Variants in PABPC1L observed in about 807,000 individuals in gnomAD.
PABPC1L encodes polyadenylate-binding protein 1-like.
A neutral mutation model predicts 66.6 loss-of-function variants in PABPC1L; 31 were observed. The observed-to-expected ratio is 0.47, with a 90% CI of 0.35 to 0.63. The LOEUF (loss-of-function observed/expected upper bound fraction) is 0.63. PABPC1L is among the 20% of genes least tolerant of loss of function. The probability of loss-of-function intolerance (pLI) is 0.00; values close to 1 mark genes in which losing one functional copy is unlikely to be tolerated. For synonymous variants in PABPC1L, 348 were observed against 335.1 expected (o/e 1.04, Z -0.42); for missense variants, 722 against 848.8 (o/e 0.85, Z 1.86).
rs2066903570 is a variant in PABPC1L, at chr20:44,936,700, G to T, written c.1630G>T (p.Ala544Ser). Residue 544 changes from alanine to serine, a missense_variant, in exon 12 of 15, where the codon GCG (alanine) becomes TCG (serine). This residue lies in a region of PABPC1L where 301 missense variants were observed against 337.2 expected (regional missense o/e 0.89). Transcript: ENST00000217073. ...CCTGACCGCGTCCATGCTGGCTGCGGCGCCCCTGCATGAGCAAAAGCAGAT... is the reference window on the plus strand; with the variant it reads ...CCTGACCGCGTCCATGCTGGCTGCGTCGCCCCTGCATGAGCAAAAGCAGAT... ...EPLTASMLAA[A>S]PLHEQKQMIG... is the part of the protein sequence containing the mutation. 1.2e-6 allele frequency: 2 copies of T among 1,608,544 alleles called. No individual in the cohort carries two copies. Among genetic ancestry groups the T allele is most frequent in the Non-Finnish European group, 1.7e-6 (2 of 1,178,318 alleles).
chr20:44,919,386 C>A, intron 5 of PABPC1L, 109 bp downstream of exon 5: 2 of 1,241,214 alleles, frequency 1.6e-6, no homozygotes, highest in Admixed American at 2.0e-5. Context: ...CGGCCTAAGC[C>A]AAGAGGGTGG....
chr20:44,912,905 C>T (rs769404663), intron 2 of PABPC1L, 52 bp downstream of exon 2: 3 of 1,512,940 alleles, frequency 2.0e-6, no homozygotes, highest in Non-Finnish European at 2.7e-6. Flanking sequence ...AACTACCTGC[C>T]TGGTAGAGGG....
At chr20:44,926,119 C>T (rs1296208800) in intron 7 of PABPC1L, among the ~76,000 whole-genome samples, 2 of 152,202 alleles carry the variant, frequency 1.3e-5, no homozygotes, top group Non-Finnish European at 2.9e-5. Flanking sequence ...TTCTTGAGGA[C>T]TCCCCGAACA....
Position 44,921,751 on chromosome 20 carries a change from T to G in PABPC1L, c.876+20T>G, listed in dbSNP as rs747000277. On this transcript the variant is annotated intron_variant, in intron 6 of 14. Coordinates refer to ENST00000217073, the MANE Select transcript of PABPC1L (RefSeq NM_001372179.1). ...TACCAGGTGAGGTCAGGCTTCCTGG[T>G]GGCAGCCACTTCTGTGTGAGAGCAG... The G allele has an allele frequency of 6.2e-7, 1 of 1,612,610 alleles. No homozygotes were observed. Among genetic ancestry groups the G allele is most frequent in the Non-Finnish European group, 8.5e-7 (1 of 1,179,600 alleles).
At chr20:44,936,604 G>A (rs745591199) in intron 11 of PABPC1L, 33 bp from the exon 12 acceptor site, 3 of 1,519,844 alleles carry the variant, frequency 2.0e-6, no homozygotes, top group African/African-American at 1.4e-5. Context: ...CCTGTCCATG[G>A]TGATTAAGGG....
At chr20:44,933,834 T>G (rs1291288327) in intron 10 of PABPC1L, among the ~76,000 whole-genome samples, 1 of 144,616 alleles carries the variant, frequency 6.9e-6, no homozygotes, top group Non-Finnish European at 1.5e-5. Context: ...CACTGCAACC[T>G]CTGCCTCCGG....
chr20:44,928,377 T>G (rs1340730292), intron 7 of PABPC1L, among the ~76,000 whole-genome samples: 2 of 152,202 alleles, frequency 1.3e-5, no homozygotes, highest in Non-Finnish European at 2.9e-5. Context: ...TCGGCTGAGA[T>G]TAGCAATAAT....
Position 44,910,163 on chromosome 20 carries a change from G to A in PABPC1L, c.20G>A (p.Gly7Asp), listed in dbSNP as rs1163097506. 1 of 1,571,544 alleles carries A rather than the reference G, an allele frequency of 6.4e-7. No individual in the cohort carries two copies. Among genetic ancestry groups the A allele is most frequent in the East Asian group, 2.4e-5 (1 of 41,958 alleles). Reference protein sequence around the residue: MNASGSGYPLASLYVGD... With the variant: MNASGSDYPLASLYVGD... ...CCCACCATGAACGCCAGCGGTTCTG[G>A]CTACCCGCTTGCCTCGCTTTACGTG... The change falls in exon 1 of 15, where the codon GGC becomes GAC. Residue 7 changes from glycine to aspartate, a missense_variant. Physicochemically the swap from Gly to Asp is moderately conservative, Grantham distance 94 (BLOSUM62 -1). Around this residue, in one of 3 missense-constraint regions of PABPC1L, gnomAD observed 284 missense variants for 294.8 expected, o/e 0.96. Transcript: ENST00000217073.
At chr20:44,933,564 G>C (rs1222567206) in intron 10 of PABPC1L, among the ~76,000 whole-genome samples, 1 of 151,620 alleles carries the variant, frequency 6.6e-6, no homozygotes, top group African/African-American at 2.4e-5. Flanking sequence ...TCCTGCCTCA[G>C]CTTCCCAAGT....
rs182083169 is a variant in PABPC1L at position 44,937,083 on chromosome 20, C to T, written c.1660+353C>T. On this transcript the variant is annotated intron_variant, in intron 12 of 14. Coordinates refer to ENST00000217073, the MANE Select transcript of PABPC1L (RefSeq NM_001372179.1). ...GGCTTGTAGGTGGGGGGTTAAAGTT[C>T]CTCACACCTCTCCTGAACGGGAGGA... 4.2e-4 allele frequency: 194 copies of T among 459,612 alleles called. 1 individual carries two copies. Among genetic ancestry groups the T allele is most frequent in the Middle Eastern group, 1.3e-3 (4 of 2,972 alleles). The allele number at this position is 459,612 out of a possible 1,614,324, so 28.5% of individuals were successfully genotyped here.
chr20:44,919,081 T>A (rs2145560651), intron 4 of PABPC1L, 36 bp downstream of exon 4: 5 of 1,611,304 alleles, frequency 3.1e-6, no homozygotes, highest in Non-Finnish European at 4.2e-6. Flanking sequence ...GGGATCACTG[T>A]TTTTCCTCTT....
intron 7 of PABPC1L, among the ~76,000 whole-genome samples, chr20:44,930,208 T>C (rs1027177321): frequency 3.9e-5 from 6 of 152,294 alleles, no homozygotes; most frequent in African/African-American, 1.4e-4. Flanking sequence ...GGGTGCACGC[T>C]ACATCCCTCC....
intron 1 of PABPC1L, among the ~76,000 whole-genome samples, chr20:44,910,549 G>C (rs1410267176): frequency 7.0e-6 from 1 of 142,550 alleles, no homozygotes; most frequent in Non-Finnish European, 1.5e-5. Flanking sequence ...AGAGGAGAGA[G>C]ATTAGGGTCG....
At chr20:44,926,057 A>G (rs1023759701) in intron 7 of PABPC1L, among the ~76,000 whole-genome samples, 2 of 152,206 alleles carry the variant, frequency 1.3e-5, no homozygotes, top group African/African-American at 2.4e-5. Flanking sequence ...TGAAATAGTG[A>G]TTGTCGTAAT....
Position 44,933,122 on chromosome 20 carries a change from A to T in PABPC1L, c.1396A>T (p.Ile466Phe). 4 of 1,609,658 alleles carry T rather than the reference A, an allele frequency of 2.5e-6. No homozygotes were observed. The South Asian group carries it at 4.5e-5, about 18-fold the overall frequency. ...TGTGCCTCGGCGCCCCCCGGCCCAC[A>T]TCAGCAGTGTCAGGCAGGCCTCCAC... Reference protein sequence around the residue: ...PVVPRRPPAHISSVRQASTQV... With the variant: ...PVVPRRPPAHFSSVRQASTQV... Residue 466 changes from isoleucine (I) to phenylalanine (F), a missense_variant, in exon 10 of 15, where the codon ATC (isoleucine) becomes TTC (phenylalanine). Ile to Phe is a conservative substitution (Grantham distance 21). This residue lies in a region of PABPC1L where 301 missense variants were observed against 337.2 expected (regional missense o/e 0.89). Coordinates refer to ENST00000217073, the MANE Select transcript of PABPC1L (RefSeq NM_001372179.1).
chr20:44,911,580 C>A (rs1163399901), intron 1 of PABPC1L, among the ~76,000 whole-genome samples: 1 of 152,330 alleles, frequency 6.6e-6, no homozygotes, highest in Admixed American at 6.5e-5. Flanking sequence ...CTAGAGGGAT[C>A]CCTTGCGCCA....
Position 44,928,575 on chromosome 20 carries a change from A to G in PABPC1L, c.973-1885A>G, listed in dbSNP as rs112505313. Among the ~76,000 whole-genome samples the G allele has an allele frequency of 8.9e-3, 1,350 of 152,230 alleles. 24 individuals carry two copies. Among genetic ancestry groups the G allele is most frequent in the African/African-American group, 0.031 (1,293 of 41,526 alleles). ...TCCATGACCTACCTGAGGGGGATCC[A>G]TGGACTCTCAGGTTAAGACCCCTCT... On this transcript the variant is annotated intron_variant, in intron 7 of 14. Transcript: ENST00000217073.
intron 10 of PABPC1L, among the ~76,000 whole-genome samples, chr20:44,933,632 A>T (rs765810201): frequency 2.7e-5 from 4 of 148,606 alleles, no homozygotes; most frequent in Non-Finnish European, 4.5e-5. Flanking sequence ...TTTAGTAGAG[A>T]CGGGGTTTCT....
At chr20:44,928,043 A>G (rs538673948) in intron 7 of PABPC1L, among the ~76,000 whole-genome samples, 2 of 152,260 alleles carry the variant, frequency 1.3e-5, no homozygotes, top group South Asian at 4.1e-4. Context: ...TACTAAAGTG[A>G]AAGCAGTATG....
Sources: allele counts gnomAD v4.1 joint callset (sites outside exome capture counted in the v4.1 genomes callset), GRCh38; gene constraint gnomAD v4.1.1; regional missense constraint gnomAD v4.1.1; transcripts MANE v1.5; gene names NCBI Gene and HGNC (gene_info 2026-07-23, HGNC 2026-07-21).